PLCH2: variants seen among roughly 807,000 people sequenced by gnomAD.
PLCH2 encodes the protein phospholipase C eta 2.
Under a neutral mutation model 134.7 loss-of-function variants are expected in PLCH2, and 98 were observed. That is an observed-to-expected ratio of 0.73 (90% CI 0.62 to 0.86). The LOEUF is 0.86. Ranked by LOEUF, PLCH2 falls within the 40% of genes least tolerant of loss-of-function variation. The pLI is 0.00. For synonymous variants in PLCH2, 974 were observed against 827.5 expected (o/e 1.18, Z -3.04); for missense variants, 1,994 against 1,986.6 (o/e 1.00, Z -0.07).
upstream of PLCH2, among the ~76,000 whole-genome samples, chr1:2,466,763 C>T (rs150381636): frequency 2.0e-5 from 3 of 152,334 alleles, no homozygotes; most frequent in African/African-American, 4.8e-5. Context: ...CTGGGAGCAG[C>T]GCGTGCAGGG....
chr1:2,503,333 G>C (rs1049645984), intron 21 of PLCH2: 3 of 576,826 alleles, frequency 5.2e-6, no homozygotes, highest in African/African-American at 1.9e-5. Flanking sequence ...CCTCCCTCTA[G>C]GGCAGGCTCC....
upstream of PLCH2, among the ~76,000 whole-genome samples, chr1:2,472,655 T>C (rs1641382718): frequency 6.6e-6 from 1 of 152,082 alleles, no homozygotes; most frequent in Non-Finnish European, 1.5e-5. Flanking sequence ...GGCACAGCCC[T>C]GTGGGGGCTT....
intron 2 of PLCH2, chr1:2,479,332 G>C: frequency 5.5e-6 from 1 of 181,576 alleles, no homozygotes; most frequent in East Asian, 1.4e-4. Context: ...TGAGCGCGGA[G>C]CTGGGGGTCC....
At chr1:2,418,260 C>A in the PLCH2 span, among the ~76,000 whole-genome samples, 2 of 152,266 alleles carry the variant, frequency 1.3e-5, no homozygotes, top group Non-Finnish European at 2.9e-5. Flanking sequence ...CGATGAGCAG[C>A]TGCCGACAGT....
chr1:2,445,506 A>G (rs1414976807), intron 2 of PLCH2, among the ~76,000 whole-genome samples: 1 of 138,440 alleles, frequency 7.2e-6, no homozygotes, highest in Non-Finnish European at 1.5e-5. Flanking sequence ...CCTGAGCATG[A>G]GGCTGGGGTC....
rs1325713519 is a variant in PLCH2, at chr1:2,443,968, G to T, written c.115+13339G>T. On this transcript the variant is annotated intron_variant, in intron 2 of 3. Transcript: ENST00000609981. Reference sequence around the variant, plus strand: ...TGGACGCGGGAGCCGCCCCGCAGAAGCACAGTAGGTGCCGCTCCTGCCGCT... The same window carrying T: ...TGGACGCGGGAGCCGCCCCGCAGAATCACAGTAGGTGCCGCTCCTGCCGCT... Among the ~76,000 whole-genome samples, 4 of 152,192 alleles carry T rather than the reference G, an allele frequency of 2.6e-5. No homozygotes were observed. The East Asian group carries it at 7.7e-4, about 29-fold the overall frequency.
At chr1:2,429,416 C>T (rs1638959656) in intron 1 of PLCH2, among the ~76,000 whole-genome samples, 1 of 152,116 alleles carries the variant, frequency 6.6e-6, no homozygotes, top group Non-Finnish European at 1.5e-5. Context: ...GGGGCAGGCA[C>T]CAAGGAAAAG....
intron 12 of PLCH2, 63 bp downstream of exon 12, chr1:2,495,011 C>A: frequency 6.3e-6 from 7 of 1,111,112 alleles, no homozygotes; most frequent in Non-Finnish European, 8.8e-6. Flanking sequence ...GCTCCCAGTG[C>A]CCCGTGTCCT....
At chr1:2,454,554 A>G (rs1557963327) in intron 2 of PLCH2, among the ~76,000 whole-genome samples, 1 of 151,964 alleles carries the variant, frequency 6.6e-6, no homozygotes, top group Non-Finnish European at 1.5e-5. Flanking sequence ...GTGTCCCTTT[A>G]CTTGGTAGGG....
At chr1:2,479,644 C>T (rs548937069) in intron 2 of PLCH2, 90 bp from the exon 3 acceptor site, 31 of 1,378,014 alleles carry the variant, frequency 2.2e-5, no homozygotes, top group Middle Eastern at 2.6e-4. Flanking sequence ...AAGGAGCTCC[C>T]GGCTGCTTGG....
rs1641627985 is a variant in PLCH2, at chr1:2,476,508, C to T, written c.-81C>T. On this transcript the variant is annotated 5_prime_UTR_variant, in exon 1 of 22. Coordinates refer to ENST00000378486, the MANE Select transcript of PLCH2 (RefSeq NM_014638.4). ...CCCCACGGAGGTCCTGTCGCCAGCGCTGCCACTGCCTGACCTCCGCTGCCC... is the reference window on the plus strand; with the variant it reads ...CCCCACGGAGGTCCTGTCGCCAGCGTTGCCACTGCCTGACCTCCGCTGCCC... 7.3e-7 allele frequency: 1 copy of T among 1,361,106 alleles called. No homozygotes were observed. The highest frequency in any genetic ancestry group is 1.5e-5 in the African/African-American group (1 of 67,850). 84.3% of individuals were successfully genotyped at this position (1,361,106 alleles called of 1,614,324 possible).
chr1:2,501,787 C>A, intron 20 of PLCH2: 2 of 309,776 alleles, frequency 6.5e-6, no homozygotes, highest in Non-Finnish European at 1.2e-5. Flanking sequence ...GTCTCTCCTC[C>A]GGAGGGAAAG....
At chr1:2,437,166 G>A (rs995663421) in intron 2 of PLCH2, among the ~76,000 whole-genome samples, 1 of 152,218 alleles carries the variant, frequency 6.6e-6, no homozygotes, top group Non-Finnish European at 1.5e-5. Flanking sequence ...GCCACAGCAG[G>A]TCCCCGGGTC....
rs1220371356 is a variant in PLCH2 at position 2,503,682 on chromosome 1, C to A, written c.2960-240C>A. ...GCCCCGGTGTCCCGTGCTGTCCCAG[C>A]CCAAGGAGGGCCCCGTGTGCGGCAC... is the stretch of plus-strand genomic sequence containing the variant. On this transcript the variant is annotated intron_variant, in intron 21 of 21. Transcript: ENST00000378486. The A allele has an allele frequency of 1.4e-5, 9 of 663,536 alleles. No homozygotes were observed. In the Admixed American group the frequency reaches 1.5e-4, roughly 11 times the overall value. The allele number at this position is 663,536 out of a possible 1,614,324, so 41.1% of individuals were successfully genotyped here. A position where few individuals can be genotyped will look rare whatever the true frequency, so the allele number is the denominator to read the frequency against.
Position 2,448,653 on chromosome 1 carries a change from C to T in PLCH2, c.115+18024C>T, listed in dbSNP as rs746666239. Among the ~76,000 whole-genome samples, 1 of 152,152 alleles carries T rather than the reference C, an allele frequency of 6.6e-6. No individual in the cohort carries two copies. Among genetic ancestry groups the T allele is most frequent in the East Asian group, 1.9e-4 (1 of 5,178 alleles). Reference sequence around the variant, plus strand: ...GCCGTGTGCTCCACCCCAGCACCCCCGCCCGAGGCAGGCCCTGGAGCTCAC... The same window carrying T: ...GCCGTGTGCTCCACCCCAGCACCCCTGCCCGAGGCAGGCCCTGGAGCTCAC... On this transcript the variant is annotated intron_variant, in intron 2 of 3. Transcript: ENST00000609981. This position sits in a 1 kb window ranked among gnomAD's most constrained non-coding sequence, Gnocchi z 4.0.
At chr1:2,494,755 C>T (rs1570465188) in intron 11 of PLCH2, 101 bp from the exon 12 acceptor site, 1 of 803,650 alleles carries the variant, frequency 1.2e-6, no homozygotes, top group Non-Finnish European at 2.1e-6. Context: ...TCAAGCCCAC[C>T]TCTTCCAGGA....
At chr1:2,436,562 C>T (rs1297363861) in intron 2 of PLCH2, among the ~76,000 whole-genome samples, 1 of 139,792 alleles carries the variant, frequency 7.2e-6, no homozygotes, top group Non-Finnish European at 1.5e-5. Context: ...CTCCCTCCAC[C>T]TTTCCTCCTT....
Position 2,471,062 on chromosome 1 carries a change from G to C in PLCH2, c.43+3400G>C, listed in dbSNP as rs372447262. ...ACACAATGGGGGGGGCACTCGCGGT[G>C]GGGGGAGGAAGCTGTGAAATGGGCT... On this transcript the variant is annotated intron_variant, in intron 1 of 21. Coordinates refer to the PLCH2 transcript ENST00000449969. Among the ~76,000 whole-genome samples the C allele has an allele frequency of 2.1e-4, 31 of 149,540 alleles. 1 individual carries two copies. The East Asian group carries it at 4.3e-3, about 21-fold the overall frequency.
intron 12 of PLCH2, 107 bp from the exon 13 acceptor site, chr1:2,495,380 TG>T: frequency 2.3e-6 from 2 of 868,350 alleles, no homozygotes; most frequent in Non-Finnish European, 3.6e-6. Context: ...GGAGGCTGCG[TG>T]GGCCGCTGGG....
Sources: allele counts gnomAD v4.1 joint callset (sites outside exome capture counted in the v4.1 genomes callset), GRCh38; gene constraint gnomAD v4.1.1; non-coding constraint Gnocchi (gnomAD v3.1); transcripts MANE v1.5; gene names NCBI Gene and HGNC (gene_info 2026-07-23, HGNC 2026-07-21).